The following CNNM2 variants were observed in gnomAD, a reference collection of about 807,000 sequenced individuals.
CNNM2 encodes metal transporter CNNM2.
Under a neutral mutation model 66.9 loss-of-function variants are expected in CNNM2, and 12 were observed. The observed-to-expected ratio is 0.18, with a 90% CI of 0.11 to 0.29. The LOEUF is 0.29. Ranked by LOEUF, CNNM2 falls within the 10% of genes least tolerant of loss-of-function variation. The pLI, the probability that CNNM2 is intolerant of heterozygous loss-of-function variation, is 1.00. For synonymous variants in CNNM2, 557 were observed against 501.8 expected, an observed-to-expected ratio of 1.11 and a Z score of -1.47; for missense variants, 705 against 1,167.7, an observed-to-expected ratio of 0.60 and a Z score of 5.77.
chr10:103,079,670 G>C lies in CNNM2; in HGVS notation c.*2490G>C, dbSNP rs200182493. On this transcript the variant is annotated 3_prime_UTR_variant, in exon 8 of 8. Transcript: ENST00000369878. The stretch of plus-strand genomic sequence containing the variant: ...AAAGAGCTCGGCAGGAGTGGCATCA[G>C]TGAGGCTCCCAAAGGATGAAATTTT... 3.3e-5 allele frequency: 5 copies of C among 152,364 alleles called. No individual in the cohort carries two copies. The East Asian group carries it at 9.6e-4, about 29-fold the overall frequency. The allele number at this position is 152,364 out of a possible 1,614,324, so 9.4% of individuals were successfully genotyped here.
Position 102,935,942 on chromosome 10 carries a change from T to G in CNNM2, c.1621+15841T>G, listed in dbSNP as rs17787717. 0.077 allele frequency among the ~76,000 whole-genome samples: 11,644 copies of G among 151,928 alleles called. 529 individuals are homozygous for G. Among genetic ancestry groups the G allele is most frequent in the Middle Eastern group, 0.17 (49 of 294 alleles). ...CTAGCACTATAATCCTTGAGGTTTT[T>G]GGGTTCCAGGTGACCAGAAGAGACA... On this transcript the variant is annotated intron_variant, in intron 1 of 7. Coordinates refer to ENST00000369878, the MANE Select transcript of CNNM2 (RefSeq NM_017649.5).
In CNNM2 at chr10:102,921,004, C is replaced by T. The variant is rs1185702055; in HGVS notation, c.1621+903C>T. ...CAGTTTAACGTGTTCTTTTTTTCCACCTTGATCATCCGATACATTAAGTTG... is the reference window on the plus strand; with the variant it reads ...CAGTTTAACGTGTTCTTTTTTTCCATCTTGATCATCCGATACATTAAGTTG... On this transcript the variant is annotated intron_variant, in intron 1 of 7. Transcript: ENST00000369878. 6.2e-6 allele frequency: 5 copies of T among 802,644 alleles called. No homozygotes were observed. In the African/African-American group the frequency reaches 7.5e-5, roughly 12 times the overall value. The allele number at this position is 802,644 out of a possible 1,614,324, so 49.7% of individuals were successfully genotyped here.
In CNNM2 at chr10:103,089,942, G is replaced by A; in HGVS notation, c.*12762G>A. ...AAAAAAGCTAGAGGCTCAGAAAGCA[G>A]GCAGAGCAAAGTAGCTACTCCCCAA... On this transcript the variant is annotated 3_prime_UTR_variant, in exon 8 of 8. Transcript: ENST00000369878. The A allele has an allele frequency of 6.5e-7, 1 of 1,546,448 alleles. No individual in the cohort carries two copies. Among genetic ancestry groups the A allele is most frequent in the Non-Finnish European group, 8.7e-7 (1 of 1,144,934 alleles).
chr10:102,968,412 A>G (rs1340842269), intron 1 of CNNM2, among the ~76,000 whole-genome samples: 2 of 151,870 alleles, frequency 1.3e-5, no homozygotes, highest in Non-Finnish European at 2.9e-5. Flanking sequence ...AAGCCCGGCT[A>G]ATTTTTGTAT....
In CNNM2 at chr10:102,919,949, A is replaced by G. The variant is rs1845559311; in HGVS notation, c.1469A>G (p.Asn490Ser). 2 of 1,614,098 alleles carry G rather than the reference A, an allele frequency of 1.2e-6. No individual in the cohort carries two copies. The highest frequency in any genetic ancestry group is 1.7e-6 in the Non-Finnish European group (2 of 1,180,052). Residue 490 changes from asparagine to serine, a missense_variant, in exon 1 of 8, where the codon AAT (asparagine) becomes AGT (serine). This residue lies in a region of CNNM2 where 171 missense variants were observed against 304.8 expected (regional missense o/e 0.56). Transcript: ENST00000369878. ...CCAGTGTTTGAAGGGGAGCGCTCCA[A>G]TATCGTGGACCTGCTGTTTGTCAAA... ...RIPVFEGERS[N>S]IVDLLFVKDL...
chr10:103,085,793 T>C lies in CNNM2; in HGVS notation c.*8613T>C. The stretch of plus-strand genomic sequence containing the variant: ...CTCTACAGAGAAACTTCTGTATATA[T>C]TTTATTTTTGAGATCACATACCTTT... On this transcript the variant is annotated 3_prime_UTR_variant, in exon 8 of 8. Coordinates refer to ENST00000369878, the MANE Select transcript of CNNM2 (RefSeq NM_017649.5). 6.6e-6 allele frequency: 1 copy of C among 152,198 alleles called. No individual in the cohort carries two copies. Among genetic ancestry groups the C allele is most frequent in the East Asian group, 1.9e-4 (1 of 5,192 alleles). 9.4% of individuals were successfully genotyped at this position (152,198 alleles called of 1,614,324 possible).
intron 1 of CNNM2, among the ~76,000 whole-genome samples, chr10:102,957,350 T>C (rs540115229): frequency 1.3e-5 from 2 of 152,146 alleles, no homozygotes; most frequent in Admixed American, 6.5e-5. Flanking sequence ...TTTCAGCTGG[T>C]GGAGATAGGA....
chr10:103,052,150 G>A (rs1014684874), intron 2 of CNNM2, among the ~76,000 whole-genome samples: 5 of 151,380 alleles, frequency 3.3e-5, no homozygotes, highest in African/African-American at 1.2e-4. Flanking sequence ...GTGTGGTGGC[G>A]TGCGCCTGTA....
chr10:103,068,470 C>T, intron 4 of CNNM2, 159 bp from the exon 5 acceptor site: 5 of 661,658 alleles, frequency 7.6e-6, no homozygotes, highest in Admixed American at 2.3e-5. Context: ...GCGAATGAGC[C>T]CCCTCCTCTC....
At chr10:102,950,373 A>G (rs1846781373) in intron 1 of CNNM2, among the ~76,000 whole-genome samples, 1 of 152,252 alleles carries the variant, frequency 6.6e-6, no homozygotes, top group African/African-American at 2.4e-5. Flanking sequence ...TATGAGAAAC[A>G]GAGTCTTACC....
chr10:102,968,368 TC>T (rs1466374688), intron 1 of CNNM2, among the ~76,000 whole-genome samples: 2 of 152,058 alleles, frequency 1.3e-5, no homozygotes, highest in African/African-American at 4.8e-5. Flanking sequence ...TGCCTTAGCC[TC>T]CCAAGTAGCT....
At chr10:102,948,250 G>A (rs1051131175) in intron 1 of CNNM2, among the ~76,000 whole-genome samples, 3 of 152,134 alleles carry the variant, frequency 2.0e-5, no homozygotes, top group Admixed American at 6.5e-5. Flanking sequence ...ATCATCACAC[G>A]AATAAACTCA....
intron 4 of CNNM2, among the ~76,000 whole-genome samples, chr10:103,062,645 C>G (rs1052655045): frequency 6.6e-6 from 1 of 151,362 alleles, no homozygotes; most frequent in Admixed American, 6.6e-5. Flanking sequence ...TGGAAGGGCC[C>G]CATCCCAGGG....
In CNNM2 at chr10:103,085,058, TTC is replaced by T. The variant is rs1431039848; in HGVS notation, c.*7882_*7883del. ...ACAAAGGGATGGTTCTAGGGCCCTT[TTC>T]TCTGACTTTCTGCTGGCATGCCATC... On this transcript the variant is annotated 3_prime_UTR_variant, in exon 8 of 8. Transcript: ENST00000369878. 6.6e-6 allele frequency: 1 copy of T among 152,150 alleles called. No individual in the cohort carries two copies. Among genetic ancestry groups the T allele is most frequent in the Non-Finnish European group, 1.5e-5 (1 of 68,028 alleles). The allele number at this position is 152,150 out of a possible 1,614,324, so 9.4% of individuals were successfully genotyped here. A position where few individuals can be genotyped will look rare whatever the true frequency, so the allele number is the denominator to read the frequency against.
Position 103,071,739 on chromosome 10 carries a change from G to C in CNNM2, c.2168-35G>C, listed in dbSNP as rs199796441. On this transcript the variant is annotated intron_variant, in intron 5 of 7. Transcript: ENST00000369878. Reference sequence around the variant, plus strand: ...ACAGAGATCTCTGTTCTTGCCTTTTGATGCGATCTCACCCTGTTTTTCTCC... The same window carrying C: ...ACAGAGATCTCTGTTCTTGCCTTTTCATGCGATCTCACCCTGTTTTTCTCC... The C allele has an allele frequency of 2.6e-6, 4 of 1,562,378 alleles. No homozygotes were observed. The African/African-American group carries it at 4.1e-5, about 16-fold the overall frequency.
At chr10:103,067,570 C>T (rs878904231) in intron 4 of CNNM2, among the ~76,000 whole-genome samples, 3 of 152,152 alleles carry the variant, frequency 2.0e-5, no homozygotes, top group Non-Finnish European at 2.9e-5. Flanking sequence ...ATGCCTCACA[C>T]AGTTGTAGTA....
Position 103,087,950 on chromosome 10 carries a change from C to G in CNNM2, c.*10770C>G, listed in dbSNP as rs1052507047. The G allele has an allele frequency of 1.3e-5, 2 of 152,186 alleles. No homozygotes were observed. Among genetic ancestry groups the G allele is most frequent in the African/African-American group, 4.8e-5 (2 of 41,446 alleles). 9.4% of individuals were successfully genotyped at this position (152,186 alleles called of 1,614,324 possible). ...GCTTATAAAATAATTTTTTAAAAAGCCTCACTTCACAGTCCTGTTCCAAAA... is the reference window on the plus strand; with the variant it reads ...GCTTATAAAATAATTTTTTAAAAAGGCTCACTTCACAGTCCTGTTCCAAAA... On this transcript the variant is annotated 3_prime_UTR_variant, in exon 8 of 8. Transcript: ENST00000369878.
intron 1 of CNNM2, among the ~76,000 whole-genome samples, chr10:102,939,078 A>T (rs1846339482): frequency 6.6e-6 from 1 of 152,214 alleles, no homozygotes; most frequent in Admixed American, 6.5e-5. Flanking sequence ...GCCACTTACC[A>T]AACCAGGTAT....
At chr10:103,019,655 T>G (rs537998248) in intron 1 of CNNM2, among the ~76,000 whole-genome samples, 3 of 151,962 alleles carry the variant, frequency 2.0e-5, no homozygotes, top group Non-Finnish European at 4.4e-5. Flanking sequence ...CCTGTGGAGG[T>G]GGCGGTTAAG....
Sources: allele counts gnomAD v4.1 joint callset (sites outside exome capture counted in the v4.1 genomes callset), GRCh38; gene constraint gnomAD v4.1.1; regional missense constraint gnomAD v4.1.1; transcripts MANE v1.5; gene names NCBI Gene and HGNC (gene_info 2026-07-23, HGNC 2026-07-21).